Variants in PARP1 observed in about 807,000 individuals in gnomAD.
PARP1 encodes poly [ADP-ribose] polymerase 1.
A neutral mutation model predicts 118.7 loss-of-function variants in PARP1; 44 were observed. The observed-to-expected ratio is 0.37, with a 90% CI of 0.29 to 0.48. The LOEUF (loss-of-function observed/expected upper bound fraction) is 0.48, where lower values mean the gene tolerates loss of function less well. Among genes scored for constraint, PARP1 ranks in the 20% least tolerant of loss-of-function variants. The probability of loss-of-function intolerance (pLI) is 0.99; values close to 1 mark genes in which losing one functional copy is unlikely to be tolerated. For missense variants in PARP1, 1,100 were observed against 1,272.4 expected (o/e 0.86, Z 2.06); for synonymous variants, 492 against 483.2 (o/e 1.02, Z -0.24).
intron 16 of PARP1, 150 bp downstream of exon 16, chr1:226,368,049 T>C (rs1664305803): frequency 1.9e-6 from 2 of 1,064,150 alleles, no homozygotes; most frequent in South Asian, 1.3e-5. Flanking sequence ...TCCATCAATG[T>C]GGGTAGAAAC....
intron 13 of PARP1, 74 bp downstream of exon 13, chr1:226,377,034 G>A (rs988497626): frequency 1.2e-5 from 15 of 1,277,526 alleles, no homozygotes; most frequent in South Asian, 3.6e-5. Context: ...CCTGATCCAC[G>A]ATGTGGATTT....
intron 7 of PARP1, among the ~76,000 whole-genome samples, chr1:226,384,954 G>A (rs911227507): frequency 2.0e-5 from 3 of 152,192 alleles, no homozygotes; most frequent in Admixed American, 1.3e-4. Flanking sequence ...CAAAGGCCTC[G>A]GAGCAGCCAG....
chr1:226,368,459 A>C (rs1286704295), intron 15 of PARP1, 138 bp from the exon 16 acceptor site: 1 of 1,052,548 alleles, frequency 9.5e-7, no homozygotes, highest in Non-Finnish European at 1.4e-6. Flanking sequence ...GACACATGGG[A>C]AACGACCAGA....
intron 1 of PARP1, among the ~76,000 whole-genome samples, chr1:226,404,142 C>A (rs1416687413): frequency 6.9e-6 from 1 of 144,832 alleles, no homozygotes; most frequent in Admixed American, 7.0e-5. Flanking sequence ...GTGATTATTT[C>A]ATAAGGGCCT....
chr1:226,393,338 A>G (rs1195709061), intron 2 of PARP1, among the ~76,000 whole-genome samples: 1 of 152,224 alleles, frequency 6.6e-6, no homozygotes, highest in Non-Finnish European at 1.5e-5. Flanking sequence ...ACCTAAATAA[A>G]TGAAGAGATG....
intron 1 of PARP1, among the ~76,000 whole-genome samples, chr1:226,405,058 A>G (rs1461124003): frequency 6.6e-6 from 1 of 152,194 alleles, no homozygotes; most frequent in East Asian, 1.9e-4. Context: ...GGTATCAGAT[A>G]CTCAGAGAAC....
chr1:226,368,415 G>A (rs981583399), intron 15 of PARP1, 94 bp from the exon 16 acceptor site: 26 of 1,530,318 alleles, frequency 1.7e-5, no homozygotes, highest in Non-Finnish European at 2.3e-5. Context: ...TGCTGCAGCA[G>A]GTCCAGAAGT....
At chr1:226,406,785 T>C (rs1014252670) in intron 1 of PARP1, among the ~76,000 whole-genome samples, 10 of 152,174 alleles carry the variant, frequency 6.6e-5, no homozygotes, top group Admixed American at 1.3e-4. Context: ...TGAAATAAGA[T>C]AACGGAAGTA....
At chr1:226,390,999 ACT>A (rs1664810925) in intron 3 of PARP1, among the ~76,000 whole-genome samples, 1 of 96,462 alleles carries the variant, frequency 1.0e-5, no homozygotes, top group East Asian at 3.7e-4. Context: ...CCAATGCAGC[ACT>A]TTTTTTTTTT....
At chr1:226,397,083 G>A (rs879467661) in intron 2 of PARP1, among the ~76,000 whole-genome samples, 6 of 148,262 alleles carry the variant, frequency 4.0e-5, no homozygotes, top group Non-Finnish European at 8.9e-5. Context: ...GAAGCCAAGA[G>A]TTTGAGACCA....
In PARP1 at chr1:226,408,084, A is replaced by G; in HGVS notation, c.-155T>C. On this transcript the variant is annotated 5_prime_UTR_variant, in exon 1 of 23. Coordinates refer to ENST00000366794, the MANE Select transcript of PARP1 (RefSeq NM_001618.4). ...CCGCACCGGCCACCGCCGTTCCCTG[A>G]TAGATTGCTGATGCCTGGCCGCGGG... The G allele has an allele frequency of 1.8e-6, 2 of 1,127,046 alleles. No individual in the cohort carries two copies. Among genetic ancestry groups the G allele is most frequent in the Admixed American group, 2.1e-5 (1 of 47,618 alleles). The allele number at this position is 1,127,046 out of a possible 1,614,324, so 69.8% of individuals were successfully genotyped here.
chr1:226,364,511 G>A (rs1345758216), intron 19 of PARP1: 3 of 305,152 alleles, frequency 9.8e-6, no homozygotes, highest in Non-Finnish European at 6.4e-6. Flanking sequence ...GCCCCAGAGA[G>A]AATCATTTAA....
intron 7 of PARP1, 68 bp from the exon 8 acceptor site, chr1:226,383,251 A>G: frequency 7.8e-7 from 1 of 1,279,140 alleles, no homozygotes; most frequent in South Asian, 1.2e-5. Context: ...TAGACCAAAG[A>G]GGATTTGGCT....
chr1:226,388,833 T>C (rs1664769884), intron 4 of PARP1, 78 bp from the exon 5 acceptor site: 3 of 1,068,896 alleles, frequency 2.8e-6, no homozygotes, highest in East Asian at 2.4e-5. Flanking sequence ...TGATGCAGTA[T>C]CTTAATGTCA....
intron 22 of PARP1, chr1:226,361,749 T>G (rs910616233): frequency 4.4e-5 from 29 of 665,226 alleles, no homozygotes; most frequent in Middle Eastern, 5.8e-4. Context: ...TCAGGCAGAC[T>G]GAGGAGAGGA....
chr1:226,362,835 T>C (rs1664176009), intron 21 of PARP1, among the ~76,000 whole-genome samples: 1 of 147,922 alleles, frequency 6.8e-6, no homozygotes, highest in South Asian at 2.2e-4. Flanking sequence ...ATGAACCTCC[T>C]GCTATAGAGC....
At chr1:226,402,061 G>A in intron 2 of PARP1, 153 bp downstream of exon 2, 1 of 1,555,648 alleles carries the variant, frequency 6.4e-7, no homozygotes, top group African/African-American at 1.4e-5. Flanking sequence ...GAGTCCAGGA[G>A]GTGTTGCTGA....
chr1:226,383,925 A>G (rs1273691689), intron 7 of PARP1, among the ~76,000 whole-genome samples: 1 of 152,206 alleles, frequency 6.6e-6, no homozygotes, highest in East Asian at 1.9e-4. Flanking sequence ...TCCGACACAC[A>G]CAGACCACCT....
Position 226,407,877 on chromosome 1 carries a change from C to T in PARP1, c.53G>A (p.Arg18His). 1 of 1,611,158 alleles carries T rather than the reference C, an allele frequency of 6.2e-7. No homozygotes were observed. Among genetic ancestry groups the T allele is most frequent in the South Asian group, 1.1e-5 (1 of 90,788 alleles). ...LYRVEYAKSG[R>H]ASCKKCSESI... ...CTCGCTGCATTTCTTGCAAGAGGCG[C>T]GCCCGCTCTTGGCGTACTCGACTCG... is the stretch of plus-strand genomic sequence containing the variant. The change falls in exon 1 of 23, where the codon CGC becomes CAC. Residue 18 changes from arginine to histidine, a missense_variant. By Grantham distance (29) the Arg-to-His change is conservative. This residue lies in a region of PARP1 where 948 missense variants were observed against 1,031.8 expected (regional missense o/e 0.92). Transcript: ENST00000366794.
Sources: allele counts gnomAD v4.1 joint callset (sites outside exome capture counted in the v4.1 genomes callset), GRCh38; gene constraint gnomAD v4.1.1; regional missense constraint gnomAD v4.1.1; transcripts MANE v1.5; gene names NCBI Gene and HGNC (gene_info 2026-07-23, HGNC 2026-07-21).